The following PHACTR2 variants were observed in gnomAD, a reference collection of about 807,000 sequenced individuals.
The protein encoded by PHACTR2 is phosphatase and actin regulator 2.
Under a neutral mutation model 76.0 loss-of-function variants are expected in PHACTR2, and 30 were observed. The ratio of observed to expected loss-of-function variants is 0.39; its 90% CI spans 0.30 to 0.54. PHACTR2 has a LOEUF of 0.54. PHACTR2 is among the 20% of genes least tolerant of loss of function. PHACTR2 has a pLI of 0.61. For missense variants in PHACTR2, 696 were observed against 781.1 expected (o/e 0.89, Z 1.30); for synonymous variants, 292 against 292.5 (o/e 1.00, Z 0.02).
chr6:143,685,890 G>T (rs1010708091), intron 1 of PHACTR2, among the ~76,000 whole-genome samples: 10 of 152,080 alleles, frequency 6.6e-5, no homozygotes, highest in African/African-American at 2.4e-4. Context: ...CCAGCACTTT[G>T]GGAAGCCAAG....
rs1776543492 is a variant in PHACTR2, at chr6:143,827,042, T to C, written c.*3353T>C. On this transcript the variant is annotated 3_prime_UTR_variant, in exon 13 of 13. Transcript: ENST00000440869. ...GAAATAAAGGAATTCAATACACCCTTCAAAAGTCACCAAATACTGAAAATA... is the reference window on the plus strand; with the variant it reads ...GAAATAAAGGAATTCAATACACCCTCCAAAAGTCACCAAATACTGAAAATA... 6.7e-6 allele frequency: 1 copy of C among 150,048 alleles called. No individual in the cohort carries two copies. Among genetic ancestry groups the C allele is most frequent in the Non-Finnish European group, 1.5e-5 (1 of 67,576 alleles). The allele number at this position is 150,048 out of a possible 1,614,324, so 9.3% of individuals were successfully genotyped here.
At chr6:143,576,765 A>G (rs190286582) in intron 1 of PHACTR2, among the ~76,000 whole-genome samples, 99 of 151,594 alleles carry the variant, frequency 6.5e-4, no homozygotes, top group Middle Eastern at 3.4e-3. Flanking sequence ...AGTCTCAGCT[A>G]CTCGGTAGGT....
chr6:143,749,735 G>C (rs375418203), intron 3 of PHACTR2, among the ~76,000 whole-genome samples: 8 of 152,122 alleles, frequency 5.3e-5, no homozygotes, highest in African/African-American at 1.4e-4. Flanking sequence ...AAAAGACAAG[G>C]ATCAGATAGA....
Position 143,656,363 on chromosome 6 carries a change from A to C in PHACTR2, c.13+48041A>C, listed in dbSNP as rs190267776. ...CAATCTTTTGGCTTCCCTGGGCCACATTGGAAGTAGAATTGTCTTGGGCCA... is the reference window on the plus strand; with the variant it reads ...CAATCTTTTGGCTTCCCTGGGCCACCTTGGAAGTAGAATTGTCTTGGGCCA... On this transcript the variant is annotated intron_variant, in intron 1 of 11. Coordinates refer to the PHACTR2 transcript ENST00000305766. This position sits in a 1 kb window ranked among gnomAD's most constrained non-coding sequence, Gnocchi z 5.3. 3.8e-3 allele frequency among the ~76,000 whole-genome samples: 572 copies of C among 152,336 alleles called. 7 individuals carry two copies. The highest frequency in any genetic ancestry group is 2.3e-3 in the Non-Finnish European group (155 of 68,034).
Position 143,738,540 on chromosome 6 carries a change from T to G in PHACTR2, c.215-10445T>G. On this transcript the variant is annotated intron_variant, in intron 2 of 12. Coordinates refer to ENST00000440869, the MANE Select transcript of PHACTR2 (RefSeq NM_001100164.2). The surrounding 1 kb of genome is among the most constrained non-coding windows in gnomAD (Gnocchi z 4.0). Reference sequence around the variant, plus strand: ...TGGGAGGCCAAGGTAAATGGATCACTTGAGCTCACGACCAGCCTGGGCAAC... The same window carrying G: ...TGGGAGGCCAAGGTAAATGGATCACGTGAGCTCACGACCAGCCTGGGCAAC... Among the ~76,000 whole-genome samples, 1 of 151,854 alleles carries G rather than the reference T, an allele frequency of 6.6e-6. No individual in the cohort carries two copies.
At chr6:143,655,631 G>A (rs1297157709) in intron 1 of PHACTR2, among the ~76,000 whole-genome samples, 1 of 152,152 alleles carries the variant, frequency 6.6e-6, no homozygotes, top group African/African-American at 2.4e-5. Flanking sequence ...CCAAAGCAAA[G>A]ATTTACAACT....
In PHACTR2 at chr6:143,671,400, C is replaced by A. The variant is rs1582755417; in HGVS notation, c.14-40616C>A. 6.6e-6 allele frequency among the ~76,000 whole-genome samples: 1 copy of A among 152,174 alleles called. No individual in the cohort carries two copies. Among genetic ancestry groups the A allele is most frequent in the Non-Finnish European group, 1.5e-5 (1 of 68,024 alleles). Reference sequence around the variant, plus strand: ...TGGTCTTTCTTCTTGGAACACCTCTCCCCCAGATAGCCATATGGTTAACTC... The same window carrying A: ...TGGTCTTTCTTCTTGGAACACCTCTACCCCAGATAGCCATATGGTTAACTC... On this transcript the variant is annotated intron_variant, in intron 1 of 11. Transcript: ENST00000305766. The surrounding 1 kb of genome is among the most constrained non-coding windows in gnomAD (Gnocchi z 4.6).
At position 143,547,105 on chromosome 6, in the gene PHACTR2, C is replaced by A. The variant is rs9376755; in HGVS notation, c.217+9898C>A. Among the ~76,000 whole-genome samples the A allele has an allele frequency of 0.25, 37,629 of 151,800 alleles. 4,842 individuals are homozygous for A. The highest frequency in any genetic ancestry group is 0.34 in the South Asian group (1,628 of 4,816). On this transcript the variant is annotated intron_variant, in intron 1 of 11. Coordinates refer to the PHACTR2 transcript ENST00000367584. The surrounding 1 kb of genome is among the most constrained non-coding windows in gnomAD (Gnocchi z 4.2). ...ATTTATGTCTTCAAATGAGTGTTAT[C>A]TTTTAGAGTTGTCATATTGGAAGAG...
At position 143,698,079 on chromosome 6, in the gene PHACTR2, T is replaced by C. The variant is rs1332068578; in HGVS notation, c.47-13937T>C. Among the ~76,000 whole-genome samples, 1 of 152,336 alleles carries C rather than the reference T, an allele frequency of 6.6e-6. No individual in the cohort carries two copies. Among genetic ancestry groups the C allele is most frequent in the East Asian group, 1.9e-4 (1 of 5,194 alleles). Reference sequence around the variant, plus strand: ...CTTTTTCCCATCATTCTAGAACATGTTCAATGTTTCTTCAGACCAGTATTG... The same window carrying C: ...CTTTTTCCCATCATTCTAGAACATGCTCAATGTTTCTTCAGACCAGTATTG... On this transcript the variant is annotated intron_variant, in intron 1 of 12. Transcript: ENST00000440869. The surrounding 1 kb of genome is among the most constrained non-coding windows in gnomAD (Gnocchi z 4.3).
In PHACTR2 at chr6:143,648,992, CTCTGTGTGTCTCTGTGTGTG is replaced by C. The variant is rs1013751772; in HGVS notation, c.13+40682_13+40701del. ...TGTGTATGACTGTTTCTATGTATGT[CTCTGTGTGTCTCTGTGTGTG>C]TCTGTGTGTCTATGTGCATGACTGT... On this transcript the variant is annotated intron_variant, in intron 1 of 11. Transcript: ENST00000305766. This position sits in a 1 kb window ranked among gnomAD's most constrained non-coding sequence, Gnocchi z 6.7. Among the ~76,000 whole-genome samples the C allele has an allele frequency of 1.5e-5, 2 of 134,628 alleles. No individual in the cohort carries two copies. The highest frequency in any genetic ancestry group is 2.5e-4 in the South Asian group (1 of 3,972). 88.3% of individuals were successfully genotyped at this position (134,628 alleles called of 152,430 possible).
In PHACTR2 at chr6:143,819,754, C is replaced by T. The variant is rs1776372363; in HGVS notation, c.1923-3920C>T. ...CTCTCTGGCAGATTGGCTGTGGCCA[C>T]CGACACTGAGGGAAGATCTTCCCTA... is the stretch of plus-strand genomic sequence containing the variant. On this transcript the variant is annotated intron_variant, in intron 12 of 12. Coordinates refer to ENST00000440869, the MANE Select transcript of PHACTR2 (RefSeq NM_001100164.2). This position sits in a 1 kb window ranked among gnomAD's most constrained non-coding sequence, Gnocchi z 5.0. Among the ~76,000 whole-genome samples the T allele has an allele frequency of 6.6e-6, 1 of 152,164 alleles. No homozygotes were observed. Among genetic ancestry groups the T allele is most frequent in the Admixed American group, 6.5e-5 (1 of 15,278 alleles).
rs1005847699 is a variant in PHACTR2, at chr6:143,697,020, A to G, written c.47-14996A>G. ...ATGTTTGCCACCACAACACTGGGCTATTATGCAAGGTAGTTCTACCTTGTA... is the reference window on the plus strand; with the variant it reads ...ATGTTTGCCACCACAACACTGGGCTGTTATGCAAGGTAGTTCTACCTTGTA... On this transcript the variant is annotated intron_variant, in intron 1 of 12. Transcript: ENST00000440869. This position sits in a 1 kb window ranked among gnomAD's most constrained non-coding sequence, Gnocchi z 4.4. 1.3e-5 allele frequency among the ~76,000 whole-genome samples: 2 copies of G among 152,328 alleles called. No individual in the cohort carries two copies. Among genetic ancestry groups the G allele is most frequent in the African/African-American group, 2.4e-5 (1 of 41,572 alleles).
At chr6:143,773,973 C>T (rs1775212993) in intron 7 of PHACTR2, 86 bp from the exon 8 acceptor site, 1 of 1,132,330 alleles carries the variant, frequency 8.8e-7, no homozygotes, top group Admixed American at 2.3e-5. Flanking sequence ...GGTCTGGGCT[C>T]TATTTAAAGT....
chr6:143,631,853 C>G (rs1776368363), intron 1 of PHACTR2, among the ~76,000 whole-genome samples: 1 of 152,034 alleles, frequency 6.6e-6, no homozygotes, highest in Non-Finnish European at 1.5e-5. Context: ...TGATGGAAAC[C>G]CTAAGATTCT....
At chr6:143,779,638 G>A (rs947835278) in intron 9 of PHACTR2, among the ~76,000 whole-genome samples, 6 of 152,036 alleles carry the variant, frequency 3.9e-5, no homozygotes, top group East Asian at 1.9e-4. Context: ...GTAAGCCACC[G>A]TGCCCGGCCC....
At position 143,683,956 on chromosome 6, in the gene PHACTR2, T is replaced by G. The variant is rs1777456705; in HGVS notation, c.46+5747T>G. Among the ~76,000 whole-genome samples the G allele has an allele frequency of 6.6e-6, 1 of 152,206 alleles. No individual in the cohort carries two copies. The highest frequency in any genetic ancestry group is 1.5e-5 in the Non-Finnish European group (1 of 68,026). On this transcript the variant is annotated intron_variant, in intron 1 of 12. Coordinates refer to ENST00000440869, the MANE Select transcript of PHACTR2 (RefSeq NM_001100164.2). This position sits in a 1 kb window ranked among gnomAD's most constrained non-coding sequence, Gnocchi z 4.1. Reference sequence around the variant, plus strand: ...ACTTACTGCTCTATACTTTGAATTTTTCGTGTAATATAACTTGAAAATACT... The same window carrying G: ...ACTTACTGCTCTATACTTTGAATTTGTCGTGTAATATAACTTGAAAATACT...
chr6:143,656,797 A>G lies in PHACTR2; in HGVS notation c.13+48475A>G, dbSNP rs954469045. On this transcript the variant is annotated intron_variant, in intron 1 of 11. Coordinates refer to the PHACTR2 transcript ENST00000305766. This position sits in a 1 kb window ranked among gnomAD's most constrained non-coding sequence, Gnocchi z 5.3. ...TGTCTGTTAGTTTTGCAATCCGCAA[A>G]AAGATGAACACAATAGACATGTTAA... Among the ~76,000 whole-genome samples, 1 of 152,178 alleles carries G rather than the reference A, an allele frequency of 6.6e-6. No individual in the cohort carries two copies. Among genetic ancestry groups the G allele is most frequent in the Non-Finnish European group, 1.5e-5 (1 of 68,032 alleles).
In PHACTR2 at chr6:143,822,227, T is replaced by C. The variant is rs911243259; in HGVS notation, c.1923-1447T>C. Among the ~76,000 whole-genome samples the C allele has an allele frequency of 2.6e-5, 4 of 152,196 alleles. No individual in the cohort carries two copies. The highest frequency in any genetic ancestry group is 1.3e-4 in the Admixed American group (2 of 15,274). ...ATTTTGTTAAGGGACAGGGTCTTAC[T>C]ATGTGCCCAGACTTGTCTTGAACTC... is the stretch of plus-strand genomic sequence containing the variant. On this transcript the variant is annotated intron_variant, in intron 12 of 12. Coordinates refer to ENST00000440869, the MANE Select transcript of PHACTR2 (RefSeq NM_001100164.2). This position sits in a 1 kb window ranked among gnomAD's most constrained non-coding sequence, Gnocchi z 5.5.
upstream of PHACTR2, among the ~76,000 whole-genome samples, chr6:143,606,111 A>G (rs950573659): frequency 7.9e-5 from 12 of 152,236 alleles, no homozygotes; most frequent in Non-Finnish European, 1.3e-4. Flanking sequence ...CACTCCTAGC[A>G]GGATCTGGGA....
Sources: gnomAD v4.1 joint callset for allele counts (sites outside exome capture counted in the v4.1 genomes callset) on GRCh38, gnomAD v4.1.1 for gene constraint, Gnocchi (gnomAD v3.1) non-coding constraint, MANE v1.5 for transcripts, NCBI Gene and HGNC (gene_info 2026-07-23, HGNC 2026-07-21) for gene names.